BRD10: variants seen among roughly 807,000 people sequenced by gnomAD.
BRD10 encodes the protein uncharacterized bromodomain-containing protein 10.
At chr9:5,939,523 T>A in the BRD10 span, among the ~76,000 whole-genome samples, 1 of 152,220 alleles carries the variant, frequency 6.6e-6, no homozygotes, top group Non-Finnish European at 1.5e-5. Flanking sequence ...AACACAGACA[T>A]TCACAAGTTC....
the BRD10 span, among the ~76,000 whole-genome samples, chr9:5,889,857 C>T: frequency 1.6e-4 from 24 of 152,140 alleles, no homozygotes; most frequent in Non-Finnish European, 5.9e-5. Flanking sequence ...ATTACTTTTG[C>T]ACCAACCTAA....
the BRD10 span, chr9:5,954,136 T>C: frequency 1.8e-6 from 2 of 1,107,012 alleles, no homozygotes; most frequent in Non-Finnish European, 2.7e-6. Context: ...ATGCTGTTTA[T>C]AGCACTTCAT....
At chr9:5,888,198 A>G in the BRD10 span, among the ~76,000 whole-genome samples, 5 of 151,962 alleles carry the variant, frequency 3.3e-5, no homozygotes, top group African/African-American at 1.2e-4. Context: ...GGCTATGGAG[A>G]GCTGGTGAGC....
At chr9:5,977,492 T>C in the BRD10 span, among the ~76,000 whole-genome samples, 1 of 152,292 alleles carries the variant, frequency 6.6e-6, no homozygotes, top group South Asian at 2.1e-4. Flanking sequence ...TTAATATATA[T>C]AATCAGCCAT....
At chr9:5,974,878 T>C in the BRD10 span, among the ~76,000 whole-genome samples, 2 of 152,186 alleles carry the variant, frequency 1.3e-5, no homozygotes, top group Non-Finnish European at 2.9e-5. Context: ...TAGTAGAGAA[T>C]AATTAGACCT....
chr9:5,922,343 G>A, the BRD10 span: 2 of 1,613,978 alleles, frequency 1.2e-6, no homozygotes, highest in Non-Finnish European at 1.7e-6. Flanking sequence ...GGAGAATGTG[G>A]CTGCTGAAAC....
chr9:5,892,549 A>G, the BRD10 span: 4 of 1,612,374 alleles, frequency 2.5e-6, no homozygotes, highest in Non-Finnish European at 3.4e-6. Context: ...CCACGGCTGA[A>G]GAGTAAGTTC....
chr9:5,928,794 G>A, the BRD10 span, among the ~76,000 whole-genome samples: 2 of 151,940 alleles, frequency 1.3e-5, no homozygotes, highest in African/African-American at 4.8e-5. Flanking sequence ...TTTCTTCACA[G>A]CACTTTTTTT....
chr9:6,006,709 T>C, the BRD10 span, among the ~76,000 whole-genome samples: 2 of 152,242 alleles, frequency 1.3e-5, no homozygotes, highest in Non-Finnish European at 2.9e-5. Flanking sequence ...TAACACTCCA[T>C]AAATCTTCGA....
At chr9:5,916,590 T>TATAACATAC in the BRD10 span, among the ~76,000 whole-genome samples, 2 of 127,806 alleles carry the variant, frequency 1.6e-5, no homozygotes, top group Non-Finnish European at 3.4e-5. Context: ...ATATAACATA[T>TATAACATAC]ATATAAAACT....
At chr9:5,955,686 T>C in the BRD10 span, among the ~76,000 whole-genome samples, 1 of 152,248 alleles carries the variant, frequency 6.6e-6, no homozygotes, top group Non-Finnish European at 1.5e-5. Flanking sequence ...TTAATAAGTA[T>C]TGACGGGTAT....
chr9:5,959,233 TATC>T, the BRD10 span, among the ~76,000 whole-genome samples: 10 of 152,174 alleles, frequency 6.6e-5, no homozygotes, highest in African/African-American at 2.2e-4. Flanking sequence ...TCGTTATAGT[TATC>T]ATCTACCCCT....
chr9:5,974,581 C>G, the BRD10 span, among the ~76,000 whole-genome samples: 1 of 152,110 alleles, frequency 6.6e-6, no homozygotes, highest in African/African-American at 2.4e-5. Context: ...AGCTAAGGCC[C>G]AGCAGACTCC....
At chr9:5,944,119 G>A in the BRD10 span, among the ~76,000 whole-genome samples, 9 of 151,866 alleles carry the variant, frequency 5.9e-5, no homozygotes, top group African/African-American at 1.9e-4. Flanking sequence ...GGCGCAAAAC[G>A]AAAGGTTTAA....
At chr9:5,997,907 A>G in the BRD10 span, among the ~76,000 whole-genome samples, 13 of 152,354 alleles carry the variant, frequency 8.5e-5, no homozygotes, top group East Asian at 1.5e-3. Flanking sequence ...TACATAATAA[A>G]TAAGTTCAAA....
At chr9:5,920,774 T>C in the BRD10 span, 1 of 1,613,976 alleles carries the variant, frequency 6.2e-7, no homozygotes, top group Non-Finnish European at 8.5e-7. Flanking sequence ...AACAGGAATT[T>C]GCAAAGCTGA....
At chr9:5,949,345 G>T in the BRD10 span, among the ~76,000 whole-genome samples, 3 of 152,024 alleles carry the variant, frequency 2.0e-5, no homozygotes, top group Non-Finnish European at 4.4e-5. Flanking sequence ...GCGGCAGAGC[G>T]AGACTCCGTC....
chr9:5,988,262 A>G, the BRD10 span: 2 of 899,658 alleles, frequency 2.2e-6, no homozygotes, highest in African/African-American at 3.3e-5. Context: ...ATTTTAGAAC[A>G]CTACTAAAAT....
the BRD10 span, among the ~76,000 whole-genome samples, chr9:5,994,750 T>C: frequency 2.0e-5 from 3 of 152,286 alleles, no homozygotes; most frequent in East Asian, 5.8e-4. Context: ...ATACTTCTCC[T>C]ACTGAGCAGG....
Sources: gnomAD v4.1 joint callset for allele counts (sites outside exome capture counted in the v4.1 genomes callset) on GRCh38, gnomAD v4.1.1 for gene constraint, MANE v1.5 for transcripts, NCBI Gene and HGNC (gene_info 2026-07-23, HGNC 2026-07-21) for gene names.